The following NEDD4L variants were observed in gnomAD, a reference collection of about 807,000 sequenced individuals.
NEDD4L encodes the protein E3 ubiquitin-protein ligase NEDD4-like.
In NEDD4L, 54 loss-of-function variants were observed where a neutral mutation model predicts 148.9. The observed-to-expected ratio is 0.36, with a 90% confidence interval of 0.29 to 0.45. The LOEUF (loss-of-function observed/expected upper bound fraction) is 0.45. Ranked by LOEUF, NEDD4L falls within the 20% of genes least tolerant of loss-of-function variation. The pLI is 1.00. For synonymous variants in NEDD4L, 433 were observed against 440.7 expected (o/e 0.98, Z 0.22); for missense variants, 856 against 1,233.8 (o/e 0.69, Z 4.59).
chr18:58,361,513 T>A (rs559198617), intron 19 of NEDD4L, among the ~76,000 whole-genome samples: 2 of 152,344 alleles, frequency 1.3e-5, no homozygotes, highest in East Asian at 3.9e-4. Flanking sequence ...GCAAATGTTG[T>A]TATTTCCAAT....
At chr18:58,204,350 C>CT (rs2041764403) in intron 2 of NEDD4L, among the ~76,000 whole-genome samples, 1 of 152,068 alleles carries the variant, frequency 6.6e-6, no homozygotes, top group Admixed American at 6.5e-5. Context: ...GCCTAGCTGA[C>CT]TTTATCATAG....
At chr18:58,335,819 G>A in intron 13 of NEDD4L, 1 of 310,910 alleles carries the variant, frequency 3.2e-6, no homozygotes, top group Admixed American at 4.4e-5. Flanking sequence ...TTGACTTTTA[G>A]TGTTTGTACT....
chr18:58,102,676 T>C (rs2084828631), intron 1 of NEDD4L, among the ~76,000 whole-genome samples: 5 of 152,198 alleles, frequency 3.3e-5, no homozygotes, highest in Admixed American at 3.3e-4. Context: ...GTATCACATC[T>C]ATTTATGTAG....
intron 2 of NEDD4L, among the ~76,000 whole-genome samples, chr18:58,181,695 C>T (rs2038884998): frequency 6.6e-6 from 1 of 152,108 alleles, no homozygotes; most frequent in Non-Finnish European, 1.5e-5. Flanking sequence ...CTGTCGTGGC[C>T]TAAGAAAGGA....
chr18:58,309,101 G>T (rs1241878746), intron 5 of NEDD4L, among the ~76,000 whole-genome samples: 1 of 152,208 alleles, frequency 6.6e-6, no homozygotes, highest in South Asian at 2.1e-4. Flanking sequence ...ATGTCCTCAT[G>T]TGTCTTCACT....
chr18:58,367,908 G>A (rs370903457), intron 22 of NEDD4L, 41 bp downstream of exon 22: 75 of 1,609,656 alleles, frequency 4.7e-5, no homozygotes, highest in African/African-American at 1.3e-4. Context: ...TGCTGCTTGC[G>A]GTTTGCTAGT....
intron 16 of NEDD4L, among the ~76,000 whole-genome samples, chr18:58,348,146 A>G (rs969346576): frequency 1.3e-5 from 2 of 151,612 alleles, no homozygotes; most frequent in African/African-American, 2.4e-5. Context: ...GCAGGCATGC[A>G]CCACCACACT....
chr18:58,092,783 T>G (rs923119320), intron 1 of NEDD4L, among the ~76,000 whole-genome samples: 1 of 142,006 alleles, frequency 7.0e-6, no homozygotes, highest in Non-Finnish European at 1.5e-5. Context: ...AATTTAAGAT[T>G]AACAGATTAA....
At chr18:58,333,155 G>C (rs185048411) in intron 11 of NEDD4L, among the ~76,000 whole-genome samples, 8 of 151,964 alleles carry the variant, frequency 5.3e-5, no homozygotes, top group Admixed American at 1.3e-4. Flanking sequence ...GGGGGGGCTT[G>C]TAGTCCCAGC....
chr18:58,138,607 TAAAC>T (rs1417981711), intron 1 of NEDD4L, among the ~76,000 whole-genome samples: 1 of 152,096 alleles, frequency 6.6e-6, no homozygotes, highest in Admixed American at 6.5e-5. Flanking sequence ...CTGGGTGGCT[TAAAC>T]AAAAAACACT....
chr18:58,300,732 G>A (rs890388777), intron 5 of NEDD4L, among the ~76,000 whole-genome samples: 1 of 152,218 alleles, frequency 6.6e-6, no homozygotes, highest in Non-Finnish European at 1.5e-5. Flanking sequence ...TATATGCTGG[G>A]CTCTGTTAGG....
At chr18:58,237,796 C>T (rs1272341529) in intron 2 of NEDD4L, among the ~76,000 whole-genome samples, 1 of 152,120 alleles carries the variant, frequency 6.6e-6, no homozygotes, top group African/African-American at 2.4e-5. Context: ...GAGATAGATG[C>T]ACATACAGTT....
intron 1 of NEDD4L, among the ~76,000 whole-genome samples, chr18:58,144,841 C>T (rs2033933336): frequency 6.6e-6 from 1 of 152,172 alleles, no homozygotes; most frequent in Non-Finnish European, 1.5e-5. Flanking sequence ...TGGCAGAGTC[C>T]CTGGTACAGC....
At chr18:58,251,837 A>G (rs571335702) in intron 4 of NEDD4L, among the ~76,000 whole-genome samples, 164 bp from the exon 5 acceptor site, 25 of 152,310 alleles carry the variant, frequency 1.6e-4, no homozygotes, top group African/African-American at 5.8e-4. Context: ...GTAATAGGAA[A>G]TTTGATTTAG....
intron 5 of NEDD4L, among the ~76,000 whole-genome samples, chr18:58,311,702 G>C (rs542870936): frequency 6.6e-6 from 1 of 151,004 alleles, no homozygotes; most frequent in South Asian, 2.1e-4. Context: ...GAGTCCCTGT[G>C]GTTTTTGTTG....
intron 1 of NEDD4L, among the ~76,000 whole-genome samples, chr18:58,100,749 T>C (rs2084698740): frequency 1.3e-5 from 2 of 152,208 alleles, no homozygotes; most frequent in South Asian, 2.1e-4. Flanking sequence ...GAAATGGATA[T>C]TGGAGTGGGA....
chr18:58,121,824 A>G (rs145022166), intron 1 of NEDD4L, among the ~76,000 whole-genome samples: 1,696 of 152,376 alleles, frequency 0.011, 18 homozygotes, highest in South Asian at 0.013. Flanking sequence ...TAGGCTAAAA[A>G]GTGGAGGTCT....
In NEDD4L at chr18:58,256,464, A is replaced by C. The variant is rs1250727595; in HGVS notation, c.297+4410A>C. ...ACAAAGGGGGACAGGTTGGTGAGGT[A>C]TCCTCGCATTCGGCTGGAGAGGAGC... On this transcript the variant is annotated intron_variant, in intron 5 of 30. Transcript: ENST00000400345. This position sits in a 1 kb window ranked among gnomAD's most constrained non-coding sequence, Gnocchi z 5.2. The C allele has an allele frequency of 2.4e-6, 3 of 1,232,218 alleles. No individual in the cohort carries two copies. The allele number at this position is 1,232,218 out of a possible 1,614,324, so 76.3% of individuals were successfully genotyped here.
intron 1 of NEDD4L, among the ~76,000 whole-genome samples, chr18:58,115,955 G>A (rs1441074643): frequency 6.6e-6 from 1 of 152,280 alleles, no homozygotes; most frequent in East Asian, 1.9e-4. Context: ...GTTGGAAATT[G>A]ATGTTATTGG....
Sources: gnomAD v4.1 joint callset for allele counts (sites outside exome capture counted in the v4.1 genomes callset) on GRCh38, gnomAD v4.1.1 for gene constraint, Gnocchi (gnomAD v3.1) non-coding constraint, MANE v1.5 for transcripts, NCBI Gene and HGNC (gene_info 2026-07-23, HGNC 2026-07-21) for gene names.